The following PPP1R16A variants were observed in gnomAD, a reference collection of about 807,000 sequenced individuals.
PPP1R16A encodes the protein protein phosphatase 1 regulatory subunit 16A.
Under a neutral mutation model 46.6 loss-of-function variants are expected in PPP1R16A, and 39 were observed. That is an observed-to-expected ratio of 0.84 (90% confidence interval 0.65 to 1.09). The LOEUF (loss-of-function observed/expected upper bound fraction) is 1.09. PPP1R16A is among the 50% of genes least tolerant of loss of function. The pLI is 0.00. For synonymous variants in PPP1R16A, 413 were observed against 321.5 expected (o/e 1.28, Z -3.04); for missense variants, 798 against 735.6 (o/e 1.08, Z -0.98).
In PPP1R16A at chr8:144,500,390, TG is replaced by T; in HGVS notation, c.705+1del. On this transcript the variant is annotated frameshift_variant and splice_region_variant, in exon 7 of 12. Coordinates refer to ENST00000435887, the MANE Select transcript of PPP1R16A (RefSeq NM_001329443.2). LOFTEE classifies it high-confidence loss of function. ...GCCCCCCTGGACCACGGGGCCACGCTGGTGAGGGCTGGGGGGTGAGGGGCAC... is the reference window on the plus strand; with the variant it reads ...GCCCCCCTGGACCACGGGGCCACGCTGTGAGGGCTGGGGGGTGAGGGGCAC... ...LHAPLDHGAT[L>X]LHVAAANGFS... The T allele has an allele frequency of 6.6e-7, 1 of 1,521,178 alleles. No homozygotes were observed. Among genetic ancestry groups the T allele is most frequent in the Non-Finnish European group, 8.8e-7 (1 of 1,139,766 alleles). The allele number at this position is 1,521,178 out of a possible 1,614,324, so 94.2% of individuals were successfully genotyped here.
chr8:144,499,136 G>A, intron 5 of PPP1R16A, 75 bp downstream of exon 5: 2 of 1,489,006 alleles, frequency 1.3e-6, no homozygotes, highest in South Asian at 1.3e-5. Context: ...CTCTTGGGCA[G>A]TATCTGTGGC....
At chr8:144,481,311 T>C (rs1342900681) in intron 1 of PPP1R16A, among the ~76,000 whole-genome samples, 1 of 152,178 alleles carries the variant, frequency 6.6e-6, no homozygotes, top group Non-Finnish European at 1.5e-5. Flanking sequence ...GCAATAGTGA[T>C]CGCTTTCTAT....
chr8:144,486,686 C>CATTTTCTA, intron 1 of PPP1R16A, among the ~76,000 whole-genome samples: 1 of 152,296 alleles, frequency 6.6e-6, no homozygotes, highest in Middle Eastern at 3.4e-3. Context: ...ATCCTCTGCC[C>CATTTTCTA]ATTTTCTAAT....
chr8:144,480,977 C>T (rs1217427054), intron 1 of PPP1R16A, among the ~76,000 whole-genome samples: 1 of 151,626 alleles, frequency 6.6e-6, no homozygotes, highest in Non-Finnish European at 1.5e-5. Context: ...CAAGCTCCGC[C>T]TCCTGGGTTC....
chr8:144,501,064 AG>A lies in PPP1R16A; in HGVS notation c.1038-60del, dbSNP rs767457007. On this transcript the variant is annotated intron_variant, in intron 10 of 11. Coordinates refer to ENST00000435887, the MANE Select transcript of PPP1R16A (RefSeq NM_001329443.2). ...CCAGCCGAACTGGGGGCAGAGTCCGAGGGGGTGGGCGGGGTCCTCCGGGCAC... is the reference window on the plus strand; with the variant it reads ...CCAGCCGAACTGGGGGCAGAGTCCGAGGGGTGGGCGGGGTCCTCCGGGCAC... The A allele has an allele frequency of 5.8e-6, 9 of 1,560,586 alleles. No homozygotes were observed. The Admixed American group carries it at 7.3e-5, about 13-fold the overall frequency.
intron 5 of PPP1R16A, 131 bp from the exon 6 acceptor site, chr8:144,499,965 C>T: frequency 1.2e-6 from 1 of 858,814 alleles, no homozygotes; most frequent in South Asian, 1.7e-5. Context: ...CCTCTCCCAG[C>T]AGCAGGTGGA....
intron 11 of PPP1R16A, 100 bp from the exon 12 acceptor site, chr8:144,501,420 C>T (rs951968700): frequency 2.7e-6 from 4 of 1,478,926 alleles, no homozygotes; most frequent in African/African-American, 1.4e-5. Flanking sequence ...GCTTTTGCCC[C>T]ATCTCTCCTG....
At chr8:144,484,357 C>T (rs1825559117) in intron 1 of PPP1R16A, among the ~76,000 whole-genome samples, 1 of 152,220 alleles carries the variant, frequency 6.6e-6, no homozygotes, top group African/African-American at 2.4e-5. Context: ...GGTTATGGCC[C>T]ATTAGAGCTA....
chr8:144,491,687 T>C (rs772487903), intron 2 of PPP1R16A, among the ~76,000 whole-genome samples: 5 of 148,544 alleles, frequency 3.4e-5, no homozygotes, highest in African/African-American at 7.5e-5. Context: ...GGCATGAACC[T>C]GGGAGGCGGA....
At chr8:144,488,123 C>T (rs1825682831) in intron 1 of PPP1R16A, among the ~76,000 whole-genome samples, 1 of 151,976 alleles carries the variant, frequency 6.6e-6, no homozygotes, top group Non-Finnish European at 1.5e-5. Flanking sequence ...CTCTGTCTTT[C>T]CAGGGAATTT....
chr8:144,501,565 G>T lies in PPP1R16A; in HGVS notation c.1249G>T (p.Gly417Cys). Residue 417 changes from glycine (G) to cysteine (C), a missense_variant, in exon 12 of 12, where the codon GGC becomes TGC. Coordinates refer to ENST00000435887, the MANE Select transcript of PPP1R16A (RefSeq NM_001329443.2). ...VVRPHNGRVG[G>C]SPVRHLYSKR... ...CAGGCCGCACAATGGCCGAGTAGGG[G>T]GCTCCCCAGTGCGGCATCTATACTC... 2.5e-6 allele frequency: 4 copies of T among 1,592,254 alleles called. No homozygotes were observed. Among genetic ancestry groups the T allele is most frequent in the Non-Finnish European group, 3.4e-6 (4 of 1,170,166 alleles).
At position 144,500,559 on chromosome 8, in the gene PPP1R16A, G is replaced by T. The variant is rs756991495; in HGVS notation, c.778G>T (p.Ala260Ser). The change falls in exon 8 of 12, where the codon GCT becomes TCT. Residue 260 changes from alanine (A) to serine (S), a missense_variant. Ala to Ser is a moderately conservative substitution (Grantham distance 99). Transcript: ENST00000435887. ...GCTGGAACACCGAGCCAGCCTGAGC[G>T]CTAAGGACCAAGACGGCTGGGAGCC... ...LLLEHRASLSAKDQDGWEPLH... is the reference protein window; with the variant it reads ...LLLEHRASLSSKDQDGWEPLH... 2.5e-6 allele frequency: 4 copies of T among 1,597,726 alleles called. No homozygotes were observed.
At position 144,500,098 on chromosome 8, in the gene PPP1R16A, G is replaced by C. The variant is rs756695674; in HGVS notation, c.479G>C (p.Gly160Ala). ...CACCCCGTCCGTCTTCCCTGCAGTG[G>C]CGCCAATCTCCTGGCGGTCAACACC... ...LHLVELLIAS[G>A]ANLLAVNTDG... Residue 160 changes from glycine (G) to alanine (A), a missense_variant and splice_region_variant, in exon 6 of 12, where the codon GGC becomes GCC. Coordinates refer to ENST00000435887, the MANE Select transcript of PPP1R16A (RefSeq NM_001329443.2). 6.2e-7 allele frequency: 1 copy of C among 1,607,606 alleles called. No individual in the cohort carries two copies. Among genetic ancestry groups the C allele is most frequent in the Non-Finnish European group, 8.5e-7 (1 of 1,177,314 alleles).
chr8:144,496,313 C>A (rs1361234783), intron 2 of PPP1R16A, 148 bp from the exon 3 acceptor site: 2 of 152,424 alleles, frequency 1.3e-5, no homozygotes, highest in African/African-American at 4.8e-5. Context: ...ACCTGCAGTG[C>A]TCTCTGTGGA....
At chr8:144,479,732 C>T (rs1033347451) in intron 1 of PPP1R16A, among the ~76,000 whole-genome samples, 6 of 152,228 alleles carry the variant, frequency 3.9e-5, no homozygotes, top group African/African-American at 1.4e-4. Context: ...TGTCCTAACC[C>T]TAGCACTTGT....
rs764043208 is a variant in PPP1R16A, at chr8:144,500,339, G to A, written c.653G>A (p.Arg218Gln). The A allele has an allele frequency of 4.0e-4, 610 of 1,537,042 alleles. No homozygotes were observed. Among genetic ancestry groups the A allele is most frequent in the Non-Finnish European group, 4.2e-4 (487 of 1,146,242 alleles). ...ELRMLDDIRS[R>Q]LQAGADLHAP... is the part of the protein sequence containing the mutation. Reference sequence around the variant, plus strand: ...CGCATGCTGGACGACATCCGGAGCCGGCTGCAGGCCGGGGCAGACCTCCAT... The same window carrying A: ...CGCATGCTGGACGACATCCGGAGCCAGCTGCAGGCCGGGGCAGACCTCCAT... Residue 218 changes from arginine (R) to glutamine (Q), a missense_variant, in exon 7 of 12, where the codon CGG becomes CAG. Coordinates refer to ENST00000435887, the MANE Select transcript of PPP1R16A (RefSeq NM_001329443.2).
In PPP1R16A at chr8:144,497,189, G is replaced by C. The variant is rs922424334; in HGVS notation, c.-6G>C. 6.4e-7 allele frequency: 1 copy of C among 1,555,554 alleles called. No individual in the cohort carries two copies. Among genetic ancestry groups the C allele is most frequent in the East Asian group, 2.4e-5 (1 of 41,362 alleles). On this transcript the variant is annotated 5_prime_UTR_variant, in exon 3 of 12. Coordinates refer to ENST00000435887, the MANE Select transcript of PPP1R16A (RefSeq NM_001329443.2). ...CGAGCAGCCCTGTGGGCAAGCAGCC[G>C]CCGCCATGGCCGAGCACCTGGAGCT...
rs1185313708 is a variant in PPP1R16A, at chr8:144,478,015, A to C, written c.-1026A>C. The stretch of plus-strand genomic sequence containing the variant: ...CGCGGGCCGGAAGTGTAGCGTTGCC[A>C]TGGCGAGGGCCGGGTGCGGGGCCCG... On this transcript the variant is annotated 5_prime_UTR_variant, in exon 1 of 12. The change abolishes an upstream ATG in the 5' untranslated region. Coordinates refer to ENST00000435887, the MANE Select transcript of PPP1R16A (RefSeq NM_001329443.2). 1 of 393,302 alleles carries C rather than the reference A, an allele frequency of 2.5e-6. No homozygotes were observed. Among genetic ancestry groups the C allele is most frequent in the Admixed American group, 4.4e-5 (1 of 22,496 alleles). The allele number at this position is 393,302 out of a possible 1,614,324, so 24.4% of individuals were successfully genotyped here.
intron 1 of PPP1R16A, among the ~76,000 whole-genome samples, chr8:144,483,571 G>A (rs1181540103): frequency 6.6e-6 from 1 of 152,064 alleles, no homozygotes; most frequent in East Asian, 1.9e-4. Flanking sequence ...CGCCACGACC[G>A]GCTTTTGTAT....
Sources: allele counts gnomAD v4.1 joint callset (sites outside exome capture counted in the v4.1 genomes callset), GRCh38; gene constraint gnomAD v4.1.1; transcripts MANE v1.5; gene names NCBI Gene and HGNC (gene_info 2026-07-23, HGNC 2026-07-21).